Variants in TNXB observed in about 807,000 individuals in gnomAD.
TNXB encodes tenascin XB.
Under a neutral mutation model 340.5 loss-of-function variants are expected in TNXB, and 183 were observed. That is an observed-to-expected ratio of 0.54 (90% CI 0.48 to 0.61). The LOEUF (loss-of-function observed/expected upper bound fraction) is 0.61. TNXB is among the 20% of genes least tolerant of loss of function. The probability of loss-of-function intolerance (pLI) is 0.00; values close to 1 mark genes in which losing one functional copy is unlikely to be tolerated. For missense variants in TNXB, 4,613 were observed against 5,446.4 expected, an observed-to-expected ratio of 0.85 and a Z score of 4.82; for synonymous variants, 2,121 against 2,314.5, an observed-to-expected ratio of 0.92 and a Z score of 2.40.
rs759066378 is a variant in TNXB at position 32,056,691 on chromosome 6, C to T, written c.8038G>A (p.Gly2680Arg). 12 of 1,613,002 alleles carry T rather than the reference C, an allele frequency of 7.4e-6. No homozygotes were observed. In the African/African-American group the frequency reaches 8.0e-5, roughly 11 times the overall value. The change falls in exon 23 of 44, where the codon GGG becomes AGG. Residue 2680 changes from glycine (G) to arginine (R), a missense_variant. Physicochemically the swap from Gly to Arg is moderately radical, Grantham distance 125. Around this residue, in one of 7 missense-constraint regions of TNXB, gnomAD observed 4,327 missense variants for 4,859.4 expected, o/e 0.89. Coordinates refer to ENST00000644971, the MANE Select transcript of TNXB (RefSeq NM_001365276.2). ...KAVRVPGHED[G>R]VTISGLEPDH... Reference sequence around the variant, plus strand: ...GGCTCCAGGCCTGAGATGGTGACCCCGTCCTCGTGCCCCGGCACCCGCACC... The same window carrying T: ...GGCTCCAGGCCTGAGATGGTGACCCTGTCCTCGTGCCCCGGCACCCGCACC...
At position 32,070,334 on chromosome 6, in the gene TNXB, G is replaced by T; in HGVS notation, c.5071C>A (p.Arg1691Ser). 1 of 1,610,700 alleles carries T rather than the reference G, an allele frequency of 6.2e-7. No homozygotes were observed. Reference sequence around the variant, plus strand: ...CCCTCAGGAACCGTCCAGGAGAGGCGCAGTGAGTCTGGGGTGGGGTCTGTC... The same window carrying T: ...CCCTCAGGAACCGTCCAGGAGAGGCTCAGTGAGTCTGGGGTGGGGTCTGTC... Reference protein sequence around the residue: ...WVTDPTPDSLRLSWTVPEGQF... With the variant: ...WVTDPTPDSLSLSWTVPEGQF... Residue 1691 changes from arginine to serine, a missense_variant, in exon 14 of 44, where the codon CGC becomes AGC. By Grantham distance (110) the Arg-to-Ser change is moderately radical. Around this residue, in one of 7 missense-constraint regions of TNXB, gnomAD observed 4,327 missense variants for 4,859.4 expected, o/e 0.89. Transcript: ENST00000644971. This position sits in a 1 kb window ranked among gnomAD's most constrained non-coding sequence, Gnocchi z 6.0.
chr6:32,095,694 GGGCATGTCTGGAT>G lies in TNXB; in HGVS notation c.2146_2158del (p.Ile716GlnfsTer36), dbSNP rs1562873172. On this transcript the variant is annotated frameshift_variant, in exon 3 of 44. Transcript: ENST00000644971. LOFTEE classifies it high-confidence loss of function. ...CTCTCCTCGGCCACGGCAGTCCCCT[GGGCATGTCTGGAT>G]GGCACAGTCAGGGCCTCGGAAGCCC... 1 of 1,614,014 alleles carries G rather than the reference GGGCATGTCTGGAT, an allele frequency of 6.2e-7. No individual in the cohort carries two copies. Among genetic ancestry groups the G allele is most frequent in the Non-Finnish European group, 8.5e-7 (1 of 1,179,894 alleles).
In TNXB at chr6:32,096,484, T is replaced by C. The variant is rs1382638749; in HGVS notation, c.1369A>G (p.Ser457Gly). 2 of 1,600,430 alleles carry C rather than the reference T, an allele frequency of 1.2e-6. No homozygotes were observed. Among genetic ancestry groups the C allele is most frequent in the Non-Finnish European group, 8.5e-7 (1 of 1,179,266 alleles). ...NGVCVCNAGY[S>G]GEDCGVRSCP... is the part of the protein sequence containing the mutation. ...CTGCGCACACCGCAGTCCTCGCCGC[T>C]GTAGCCCGCATTGCAAACACACACG... Residue 457 changes from serine to glycine, a missense_variant, in exon 3 of 44, where the codon AGC becomes GGC. By Grantham distance (56) the Ser-to-Gly change is moderately conservative. This residue lies in a region of TNXB where 4,327 missense variants were observed against 4,859.4 expected (regional missense o/e 0.89). Coordinates refer to ENST00000644971, the MANE Select transcript of TNXB (RefSeq NM_001365276.2).
intron 35 of TNXB, 23 bp from the exon 36 acceptor site, chr6:32,043,579 G>A (rs752225361): frequency 8.9e-7 from 1 of 1,124,832 alleles, no homozygotes; most frequent in East Asian, 2.4e-5. Context: ...GAGGGGCTCA[G>A]AAGGGTCCCC....
chr6:32,064,194 C>T lies in TNXB; in HGVS notation c.6841+627G>A, dbSNP rs1047759149. On this transcript the variant is annotated intron_variant, in intron 19 of 43. Coordinates refer to ENST00000644971, the MANE Select transcript of TNXB (RefSeq NM_001365276.2). This position sits in a 1 kb window ranked among gnomAD's most constrained non-coding sequence, Gnocchi z 5.3. ...TGAGGAAAAGGATGTACAGAGAGGTCGTGTGTCTGTTTTTTGTTTGCTTGT... is the reference window on the plus strand; with the variant it reads ...TGAGGAAAAGGATGTACAGAGAGGTTGTGTGTCTGTTTTTTGTTTGCTTGT... Among the ~76,000 whole-genome samples the T allele has an allele frequency of 2.6e-5, 4 of 151,946 alleles. No homozygotes were observed. Among genetic ancestry groups the T allele is most frequent in the South Asian group, 2.1e-4 (1 of 4,798 alleles).
intron 21 of TNXB, among the ~76,000 whole-genome samples, chr6:32,059,777 A>G (rs1777900916): frequency 1.3e-5 from 2 of 151,852 alleles, no homozygotes; most frequent in South Asian, 4.1e-4. Flanking sequence ...CTCTGTCTGG[A>G]TGGCCTTTGG....
At position 32,085,626 on chromosome 6, in the gene TNXB, C is replaced by T. The variant is rs979596026; in HGVS notation, c.3148+124G>A. The T allele has an allele frequency of 6.0e-6, 7 of 1,165,590 alleles. No individual in the cohort carries two copies. The highest frequency in any genetic ancestry group is 2.4e-4 in the Middle Eastern group (1 of 4,148). The allele number at this position is 1,165,590 out of a possible 1,614,324, so 72.2% of individuals were successfully genotyped here. A position where few individuals can be genotyped will look rare whatever the true frequency, so the allele number is the denominator to read the frequency against. ...CTTTTCTCTCCTTTTCTCCTCTATC[C>T]AGCCCCAAACATCAGCCCTGCCCTT... On this transcript the variant is annotated intron_variant, in intron 7 of 43. Transcript: ENST00000644971. This position sits in a 1 kb window ranked among gnomAD's most constrained non-coding sequence, Gnocchi z 6.4.
chr6:32,087,589 GTGCC>G lies in TNXB; in HGVS notation c.2779+1192_2779+1195del. 1 of 405,716 alleles carries G rather than the reference GTGCC, an allele frequency of 2.5e-6. No individual in the cohort carries two copies. Among genetic ancestry groups the G allele is most frequent in the Non-Finnish European group, 4.9e-6 (1 of 202,756 alleles). The allele number at this position is 405,716 out of a possible 1,614,324, so 25.1% of individuals were successfully genotyped here. On this transcript the variant is annotated intron_variant, in intron 6 of 43. Transcript: ENST00000644971. The surrounding 1 kb of genome is among the most constrained non-coding windows in gnomAD (Gnocchi z 9.0). Reference sequence around the variant, plus strand: ...TCCCTGGTTGGAGTCCCGTTTCCTGGTGCCGGGATCAGGGCTGGCGGTGGGGCGG... The same window carrying G: ...TCCCTGGTTGGAGTCCCGTTTCCTGGGGGATCAGGGCTGGCGGTGGGGCGG...
At position 32,068,280 on chromosome 6, in the gene TNXB, G is replaced by C; in HGVS notation, c.6220+110C>G. On this transcript the variant is annotated intron_variant, in intron 17 of 43. Coordinates refer to ENST00000644971, the MANE Select transcript of TNXB (RefSeq NM_001365276.2). This position sits in a 1 kb window ranked among gnomAD's most constrained non-coding sequence, Gnocchi z 5.3. Reference sequence around the variant, plus strand: ...GGAGCCCCAGCCCCAGCCACAAGCAGGTCTGTGGTGCTGACCAGACCCTTG... The same window carrying C: ...GGAGCCCCAGCCCCAGCCACAAGCACGTCTGTGGTGCTGACCAGACCCTTG... 1 of 1,449,000 alleles carries C rather than the reference G, an allele frequency of 6.9e-7. No individual in the cohort carries two copies. The highest frequency in any genetic ancestry group is 9.3e-7 in the Non-Finnish European group (1 of 1,072,706). 89.8% of individuals were successfully genotyped at this position (1,449,000 alleles called of 1,614,324 possible).
Position 32,062,371 on chromosome 6 carries a change from G to C in TNXB, c.6954C>G (p.Ser2318=). Residue 2318 remains serine, a synonymous_variant, in exon 20 of 44, where the codon TCC becomes TCG. Coordinates refer to ENST00000644971, the MANE Select transcript of TNXB (RefSeq NM_001365276.2). The surrounding 1 kb of genome is among the most constrained non-coding windows in gnomAD (Gnocchi z 4.3). The part of the protein sequence containing the change: ...ELTVTDATPD[S]LSLSWTVPEG... ...CGGGAACCGTCCAGGACAGGCTGAG[G>C]GAGTCAGGGGTCGCATCTGTCACGG... is the stretch of plus-strand genomic sequence containing the variant. 1 of 1,613,366 alleles carries C rather than the reference G, an allele frequency of 6.2e-7. No homozygotes were observed. Among genetic ancestry groups the C allele is most frequent in the Non-Finnish European group, 8.5e-7 (1 of 1,179,888 alleles).
intron 21 of TNXB, among the ~76,000 whole-genome samples, chr6:32,059,731 C>T (rs1421492621): frequency 1.3e-5 from 2 of 151,972 alleles, no homozygotes; most frequent in Admixed American, 6.5e-5. Context: ...TGAGGCCTCT[C>T]CCCCAGGAAT....
Position 32,090,956 on chromosome 6 carries a change from G to A in TNXB, c.2359-1577C>T, listed in dbSNP as rs1290131554. ...ATGTCTGGTTCTTTCAGTGAGGCAA[G>A]CCTATCCCCAGAGTTCTCCTTCTCC... On this transcript the variant is annotated intron_variant, in intron 4 of 43. Coordinates refer to ENST00000644971, the MANE Select transcript of TNXB (RefSeq NM_001365276.2). This position sits in a 1 kb window ranked among gnomAD's most constrained non-coding sequence, Gnocchi z 4.3. Among the ~76,000 whole-genome samples the A allele has an allele frequency of 1.3e-5, 2 of 152,076 alleles. No homozygotes were observed. Among genetic ancestry groups the A allele is most frequent in the Non-Finnish European group, 2.9e-5 (2 of 68,014 alleles).
At position 32,067,558 on chromosome 6, in the gene TNXB, T is replaced by C. The variant is rs1582401519; in HGVS notation, c.6544+103A>G. The C allele has an allele frequency of 7.0e-7, 1 of 1,418,916 alleles. No homozygotes were observed. The highest frequency in any genetic ancestry group is 9.4e-7 in the Non-Finnish European group (1 of 1,064,050). 87.9% of individuals were successfully genotyped at this position (1,418,916 alleles called of 1,614,324 possible). On this transcript the variant is annotated intron_variant, in intron 18 of 43. Transcript: ENST00000644971. This position sits in a 1 kb window ranked among gnomAD's most constrained non-coding sequence, Gnocchi z 4.2. Reference sequence around the variant, plus strand: ...CTGAGCCTTTAGTGAACAGGGTGTATTACAGGTTTGAGGTCTTGGGGTTCT... The same window carrying C: ...CTGAGCCTTTAGTGAACAGGGTGTACTACAGGTTTGAGGTCTTGGGGTTCT...
At position 32,082,555 on chromosome 6, in the gene TNXB, C is replaced by T. The variant is rs959404955; in HGVS notation, c.3446-229G>A. On this transcript the variant is annotated intron_variant, in intron 8 of 43. Coordinates refer to ENST00000644971, the MANE Select transcript of TNXB (RefSeq NM_001365276.2). This position sits in a 1 kb window ranked among gnomAD's most constrained non-coding sequence, Gnocchi z 5.0. ...TAAGGAATGGGTGCCTTCTTTCAAA[C>T]GGCATGGAAGCACTGCGTGGACTAG... Among the ~76,000 whole-genome samples, 13 of 152,220 alleles carry T rather than the reference C, an allele frequency of 8.5e-5. No homozygotes were observed. The highest frequency in any genetic ancestry group is 4.6e-4 in the Admixed American group (7 of 15,294).
In TNXB at chr6:32,058,101, G is replaced by T; in HGVS notation, c.7782C>A (p.His2594Gln). 6.2e-7 allele frequency: 1 copy of T among 1,611,420 alleles called. No individual in the cohort carries two copies. Among genetic ancestry groups the T allele is most frequent in the Non-Finnish European group, 8.5e-7 (1 of 1,178,914 alleles). Reference sequence around the variant, plus strand: ...ACACCGGGCCCAGGCGCCGCCCCTCGTGGAGGCCGTACAGGTGCATCTTGT... The same window carrying T: ...ACACCGGGCCCAGGCGCCGCCCCTCTTGGAGGCCGTACAGGTGCATCTTGT... ...RKYKMHLYGL[H>Q]EGRRLGPVSA... Residue 2594 changes from histidine (H) to glutamine (Q), a missense_variant, in exon 22 of 44, where the codon CAC becomes CAA. By Grantham distance (24) the His-to-Gln change is conservative. This residue lies in a region of TNXB where 4,327 missense variants were observed against 4,859.4 expected (regional missense o/e 0.89). Coordinates refer to ENST00000644971, the MANE Select transcript of TNXB (RefSeq NM_001365276.2). This position sits in a 1 kb window ranked among gnomAD's most constrained non-coding sequence, Gnocchi z 5.1.
rs1150756 is a variant in TNXB at position 32,067,917 on chromosome 6, C to G, written c.6288G>C (p.Pro2096=). The change falls in exon 18 of 44, where the codon CCG becomes CCC. Residue 2096 remains proline (P), a synonymous_variant. Transcript: ENST00000644971. This position sits in a 1 kb window ranked among gnomAD's most constrained non-coding sequence, Gnocchi z 4.2. ...CTGTCACTGTTAGCTCCCCCAGGAG[C>G]GGCTCCTCAGCGGGCTCCGGGGCCT... ...SMEAPEPAEE[P]LLGELTVTGS... 1.2e-6 allele frequency: 2 copies of G among 1,612,474 alleles called. No homozygotes were observed. The highest frequency in any genetic ancestry group is 2.2e-5 in the South Asian group (2 of 91,040).
rs1157140394 is a variant in TNXB, at chr6:32,068,507, C to A, written c.6103G>T (p.Gly2035Trp). 1 of 1,613,812 alleles carries A rather than the reference C, an allele frequency of 6.2e-7. No homozygotes were observed. The highest frequency in any genetic ancestry group is 1.3e-5 in the African/African-American group (1 of 74,942). ...DGQPKAVRVP[G>W]HEEGVTISGL... ...GAGATGGTGACCCCTTCCTCGTGCC[C>A]TGGCACCCTCACTGCCTTGGGCTGC... The change falls in exon 17 of 44, where the codon GGG becomes TGG. Residue 2035 changes from glycine to tryptophan, a missense_variant. By Grantham distance (184) the Gly-to-Trp change is radical. Coordinates refer to ENST00000644971, the MANE Select transcript of TNXB (RefSeq NM_001365276.2). The surrounding 1 kb of genome is among the most constrained non-coding windows in gnomAD (Gnocchi z 5.3).
Position 32,066,074 on chromosome 6 carries a change from A to T in TNXB, c.6545-957T>A, listed in dbSNP as rs1456904479. Among the ~76,000 whole-genome samples, 8 of 152,296 alleles carry T rather than the reference A, an allele frequency of 5.3e-5. 1 individual carries two copies. The highest frequency in any genetic ancestry group is 2.6e-4 in the Admixed American group (4 of 15,296). ...CTGCAGTAGTATAACCACACAATGC[A>T]ATACTGTTTGGCAATAAAAAGCAGT... On this transcript the variant is annotated intron_variant, in intron 18 of 43. Transcript: ENST00000644971.
In TNXB at chr6:32,046,205, G is replaced by A. The variant is rs373902204; in HGVS notation, c.10576C>T (p.Leu3526=). 63 of 1,592,080 alleles carry A rather than the reference G, an allele frequency of 4.0e-5. 1 individual carries two copies. In the African/African-American group the frequency reaches 7.8e-4, roughly 20 times the overall value. The part of the protein sequence containing the change: ...LLYGLLGGKR[L]GPVSALGMTA... ...ATTCCCAGGGCAGAGACCGGGCCCA[G>A]GCGCTTTCCCCCAAGGAGCCCGTAG... The change falls in exon 31 of 44, where the codon CTG becomes TTG. Residue 3526 remains leucine, a synonymous_variant. Transcript: ENST00000644971. This position sits in a 1 kb window ranked among gnomAD's most constrained non-coding sequence, Gnocchi z 6.9.
Sources: gnomAD v4.1 joint callset for allele counts (sites outside exome capture counted in the v4.1 genomes callset) on GRCh38, gnomAD v4.1.1 for gene constraint, gnomAD v4.1.1 regional missense constraint, Gnocchi (gnomAD v3.1) non-coding constraint, MANE v1.5 for transcripts, NCBI Gene and HGNC (gene_info 2026-07-23, HGNC 2026-07-21) for gene names.